Variants in NUP62 observed in about 807,000 individuals in gnomAD.
NUP62 encodes the protein nuclear pore glycoprotein p62.
For missense variants in NUP62, 647 were observed against 689.4 expected (o/e 0.94, Z 0.69); for synonymous variants, 305 against 303.4 (o/e 1.01, Z -0.05).
intron 2 of NUP62, among the ~76,000 whole-genome samples, chr19:49,915,240 G>A (rs566908875): frequency 2.4e-4 from 37 of 152,110 alleles, no homozygotes; most frequent in Non-Finnish European, 4.7e-4. Context: ...CATGGCAAAG[G>A]GACTTTGCAG....
At position 49,907,902 on chromosome 19, in the gene NUP62, G is replaced by GC; in HGVS notation, c.*336dup. On this transcript the variant is annotated 3_prime_UTR_variant, in exon 3 of 3. Coordinates refer to ENST00000352066, the MANE Select transcript of NUP62 (RefSeq NM_016553.5). ...TGACTATGCTTTGGAGAGAGTGGCT[G>GC]CCCCCACGACCCTGGCTGGGACCAA... The GC allele has an allele frequency of 2.3e-6, 1 of 428,116 alleles. No homozygotes were observed. Among genetic ancestry groups the GC allele is most frequent in the Non-Finnish European group, 4.3e-6 (1 of 233,488 alleles). The allele number at this position is 428,116 out of a possible 1,614,324, so 26.5% of individuals were successfully genotyped here. A position where few individuals can be genotyped will look rare whatever the true frequency, so the allele number is the denominator to read the frequency against.
intron 2 of NUP62, among the ~76,000 whole-genome samples, chr19:49,914,557 G>A (rs973825378): frequency 6.6e-6 from 1 of 151,972 alleles, no homozygotes; most frequent in African/African-American, 2.4e-5. Context: ...CACAGCCCTG[G>A]GAACCCGGAG....
At chr19:49,913,444 T>C (rs2075533332) in intron 2 of NUP62, among the ~76,000 whole-genome samples, 1 of 152,198 alleles carries the variant, frequency 6.6e-6, no homozygotes, top group African/African-American at 2.4e-5. Context: ...CTTTGGGTCA[T>C]ACAGTATCAG....
In NUP62 at chr19:49,909,248, G is replaced by A. The variant is rs140655913; in HGVS notation, c.560C>T (p.Thr187Met). ...TGGCGTGGCCGGAGTGAAGGGCAAC[G>A]TGGCAGGTGCCGTGGGCTGGGCTGA... ...GNSAQPTAPA[T>M]LPFTPATPAA... Residue 187 changes from threonine to methionine, a missense_variant, in exon 3 of 3, where the codon ACG becomes ATG. Physicochemically the swap from Thr to Met is moderately conservative, Grantham distance 81. Coordinates refer to ENST00000352066, the MANE Select transcript of NUP62 (RefSeq NM_016553.5). 8.8e-4 allele frequency: 1,424 copies of A among 1,614,102 alleles called. 7 individuals carry two copies. In the African/African-American group the frequency reaches 0.016, roughly 18 times the overall value.
rs1161885219 is a variant in NUP62 at position 49,908,593 on chromosome 19, G to C, written c.1215C>G (p.Asp405Glu). The C allele has an allele frequency of 6.2e-7, 1 of 1,614,062 alleles. No individual in the cohort carries two copies. The highest frequency in any genetic ancestry group is 8.5e-7 in the Non-Finnish European group (1 of 1,180,022). Residue 405 changes from aspartate to glutamate, a missense_variant, in exon 3 of 3, where the codon GAC becomes GAG. By Grantham distance (45) the Asp-to-Glu change is conservative (BLOSUM62 2). Transcript: ENST00000352066. The stretch of plus-strand genomic sequence containing the variant: ...CCAACTCCTCCAGTGGGCTCAGCAG[G>C]TCTTCCAGCTCCTTCTGCTGGGACA... ...FILSQQKELE[D>E]LLSPLEELVK...
chr19:49,925,295 CA>C (rs2075859958), intron 2 of NUP62, among the ~76,000 whole-genome samples: 2 of 151,590 alleles, frequency 1.3e-5, no homozygotes. Context: ...CAAAACAAAA[CA>C]AAAAACCCAG....
At position 49,909,603 on chromosome 19, in the gene NUP62, T is replaced by C; in HGVS notation, c.205A>G (p.Thr69Ala). Residue 69 changes from threonine (T) to alanine (A), a missense_variant, in exon 3 of 3, where the codon ACA (threonine) becomes GCA (alanine). Coordinates refer to ENST00000352066, the MANE Select transcript of NUP62 (RefSeq NM_016553.5). ...LFSLATQTPA[T>A]QTTGFTFGTA... ...CCAAAAGTGAAGCCTGTCGTCTGTG[T>C]GGCCGGAGTCTGGGTGGCAAGTGAG... The C allele has an allele frequency of 1.9e-6, 3 of 1,613,320 alleles. No homozygotes were observed. Among genetic ancestry groups the C allele is most frequent in the African/African-American group, 1.3e-5 (1 of 75,014 alleles).
chr19:49,912,613 C>T (rs1412125284), intron 2 of NUP62, among the ~76,000 whole-genome samples: 2 of 152,144 alleles, frequency 1.3e-5, no homozygotes, highest in East Asian at 3.9e-4. Context: ...CCTGTAATCC[C>T]AGCACTTTGG....
chr19:49,920,570 T>G (rs1351118556), intron 2 of NUP62, among the ~76,000 whole-genome samples: 10 of 152,070 alleles, frequency 6.6e-5, no homozygotes, highest in Admixed American at 6.6e-4. Flanking sequence ...GGGAAGGGGT[T>G]GAGAGGCCTC....
intron 2 of NUP62, among the ~76,000 whole-genome samples, chr19:49,910,686 C>G (rs774883537): frequency 1.4e-5 from 2 of 137,938 alleles, no homozygotes; most frequent in Non-Finnish European, 1.5e-5. Flanking sequence ...TGGGACATCA[C>G]GGGAGACCAT....
rs969005914 is a variant in NUP62 at position 49,907,533 on chromosome 19, GTTTCTT to G, written c.*700_*705del. 4.7e-5 allele frequency: 19 copies of G among 404,634 alleles called. No homozygotes were observed. The highest frequency in any genetic ancestry group is 1.5e-4 in the East Asian group (2 of 13,258). 25.1% of individuals were successfully genotyped at this position (404,634 alleles called of 1,614,324 possible). ...AAAACTAGGCTGCTGTCTCCTGGGA[GTTTCTT>G]TTTTTTTTTTTTTTTTTTTGAGACA... On this transcript the variant is annotated 3_prime_UTR_variant, in exon 3 of 3. Coordinates refer to ENST00000352066, the MANE Select transcript of NUP62 (RefSeq NM_016553.5).
At chr19:49,924,639 C>A (rs989714723) in intron 2 of NUP62, among the ~76,000 whole-genome samples, 4 of 152,206 alleles carry the variant, frequency 2.6e-5, no homozygotes, top group Admixed American at 1.3e-4. Context: ...CCTGAAGGGG[C>A]CACAGGCCTG....
At chr19:49,922,400 C>G (rs1426549052) in intron 2 of NUP62, among the ~76,000 whole-genome samples, 1 of 152,092 alleles carries the variant, frequency 6.6e-6, no homozygotes, top group East Asian at 1.9e-4. Flanking sequence ...ATTCTTTAGG[C>G]CTCCTCCTCT....
intron 2 of NUP62, among the ~76,000 whole-genome samples, chr19:49,920,832 G>C (rs1441461563): frequency 1.3e-5 from 2 of 152,228 alleles, no homozygotes; most frequent in African/African-American, 4.8e-5. Flanking sequence ...ACAGGCGTGT[G>C]TGGCGGGGGA....
chr19:49,917,386 CCT>C, intron 2 of NUP62, among the ~76,000 whole-genome samples: 1 of 152,334 alleles, frequency 6.6e-6, no homozygotes, highest in Non-Finnish European at 1.5e-5. Context: ...TGAATCAGTT[CCT>C]CTTTCCTTTG....
Position 49,907,113 on chromosome 19 carries a change from G to C in NUP62, c.*1126C>G, listed in dbSNP as rs1357441010. 1.3e-5 allele frequency: 2 copies of C among 159,402 alleles called. No individual in the cohort carries two copies. Among genetic ancestry groups the C allele is most frequent in the Middle Eastern group, 3.1e-3 (1 of 326 alleles). 9.9% of individuals were successfully genotyped at this position (159,402 alleles called of 1,614,324 possible). On this transcript the variant is annotated 3_prime_UTR_variant, in exon 3 of 3. Transcript: ENST00000352066. Reference sequence around the variant, plus strand: ...AACAAATGTGACAGGGACCGGGCTGGGGACACACGGGGAACGACAGTGGGT... The same window carrying C: ...AACAAATGTGACAGGGACCGGGCTGCGGACACACGGGGAACGACAGTGGGT...
In NUP62 at chr19:49,906,862, T is replaced by C. The variant is rs1201824932; in HGVS notation, c.*1377A>G. 2 of 152,222 alleles carry C rather than the reference T, an allele frequency of 1.3e-5. No individual in the cohort carries two copies. The highest frequency in any genetic ancestry group is 2.4e-5 in the African/African-American group (1 of 41,456). The allele number at this position is 152,222 out of a possible 1,614,324, so 9.4% of individuals were successfully genotyped here. On this transcript the variant is annotated 3_prime_UTR_variant, in exon 3 of 3. Transcript: ENST00000352066. ...AATACATTTATTTAGAAAAGCAACA[T>C]ACAGTAATAGGTATTTCAGAGAATT... is the stretch of plus-strand genomic sequence containing the variant.
In NUP62 at chr19:49,908,813, T is replaced by C. The variant is rs1259154353; in HGVS notation, c.995A>G (p.Gln332Arg). Reference sequence around the variant, plus strand: ...CCATTTGTTGATCAGGCTCTCCAGCTGCGCGTAGGTCATGGCGGAGCTGGC... The same window carrying C: ...CCATTTGTTGATCAGGCTCTCCAGCCGCGCGTAGGTCATGGCGGAGCTGGC... ...AAASSAMTYA[Q>R]LESLINKWSL... is the part of the protein sequence containing the mutation. The change falls in exon 3 of 3, where the codon CAG becomes CGG. Residue 332 changes from glutamine (Q) to arginine (R), a missense_variant. Physicochemically the swap from Gln to Arg is conservative, Grantham distance 43. Transcript: ENST00000352066. 1.9e-5 allele frequency: 30 copies of C among 1,613,598 alleles called. No individual in the cohort carries two copies. The highest frequency in any genetic ancestry group is 3.3e-4 in the Middle Eastern group (2 of 6,062).
intron 2 of NUP62, among the ~76,000 whole-genome samples, chr19:49,920,311 G>A (rs948181030): frequency 1.3e-5 from 2 of 152,144 alleles, no homozygotes; most frequent in Non-Finnish European, 2.9e-5. Flanking sequence ...TGAATCTCTC[G>A]ACCTTGAGAT....
Sources: allele counts gnomAD v4.1 joint callset (sites outside exome capture counted in the v4.1 genomes callset), GRCh38; gene constraint gnomAD v4.1.1; transcripts MANE v1.5; gene names NCBI Gene and HGNC (gene_info 2026-07-23, HGNC 2026-07-21).